Variants in TBC1D32 observed in about 807,000 individuals in gnomAD.
The protein encoded by TBC1D32 is TBC1 domain family member 32.
In TBC1D32, 151 loss-of-function variants were observed where a neutral mutation model predicts 170.3. The ratio of observed to expected loss-of-function variants is 0.89; its 90% CI spans 0.78 to 1.01. The LOEUF (loss-of-function observed/expected upper bound fraction) is 1.01, where lower values mean the gene tolerates loss of function less well. Ranked by LOEUF, TBC1D32 falls within the 50% of genes least tolerant of loss-of-function variation. The probability of loss-of-function intolerance (pLI) is 0.00; values close to 1 mark genes in which losing one functional copy is unlikely to be tolerated. For missense variants in TBC1D32, 1,464 were observed against 1,457.1 expected (o/e 1.00, Z -0.08); for synonymous variants, 498 against 488.0 (o/e 1.02, Z -0.27).
At chr6:121,280,744 A>C (rs1458376152) in intron 14 of TBC1D32, among the ~76,000 whole-genome samples, 1 of 151,836 alleles carries the variant, frequency 6.6e-6, no homozygotes, top group Non-Finnish European at 1.5e-5. Context: ...GGGGACAGAA[A>C]ACTTGGCATT....
chr6:121,221,775 T>C (rs567074096), intron 21 of TBC1D32, among the ~76,000 whole-genome samples: 33 of 152,340 alleles, frequency 2.2e-4, no homozygotes, highest in African/African-American at 7.0e-4. Context: ...TGGTTTCTTA[T>C]GGATGAGCAA....
chr6:121,136,472 A>G (rs1021120473), intron 24 of TBC1D32, among the ~76,000 whole-genome samples: 1 of 152,118 alleles, frequency 6.6e-6, no homozygotes, highest in Non-Finnish European at 1.5e-5. Flanking sequence ...AGAGAGGGAG[A>G]GTTTTATTGG....
intron 24 of TBC1D32, among the ~76,000 whole-genome samples, chr6:121,142,532 C>G (rs1782923631): frequency 6.6e-6 from 1 of 152,058 alleles, no homozygotes; most frequent in African/African-American, 2.4e-5. Context: ...ATAGGTCATC[C>G]TGAATAAACA....
At chr6:121,265,862 G>C (rs1329312487) in intron 15 of TBC1D32, among the ~76,000 whole-genome samples, 6 of 152,058 alleles carry the variant, frequency 3.9e-5, no homozygotes, top group African/African-American at 1.4e-4. Flanking sequence ...GGGAAAACTG[G>C]CTAATCATAT....
chr6:121,179,276 C>T (rs1788195691), intron 22 of TBC1D32, among the ~76,000 whole-genome samples: 1 of 148,076 alleles, frequency 6.8e-6, no homozygotes, highest in Non-Finnish European at 1.5e-5. Context: ...AAGACAAAAA[C>T]ATATATATAT....
chr6:121,144,363 T>C (rs915410593), intron 24 of TBC1D32, among the ~76,000 whole-genome samples: 8 of 152,250 alleles, frequency 5.3e-5, no homozygotes, highest in African/African-American at 1.9e-4. Flanking sequence ...GTGTTGAGAA[T>C]AGACTAAACA....
intron 20 of TBC1D32, among the ~76,000 whole-genome samples, chr6:121,230,949 T>C (rs1468684200): frequency 1.3e-5 from 2 of 151,910 alleles, no homozygotes; most frequent in Non-Finnish European, 2.9e-5. Context: ...CCCCAACCCT[T>C]TTCCCTGAGT....
chr6:121,180,247 A>G (rs926081795), intron 22 of TBC1D32, among the ~76,000 whole-genome samples: 1 of 152,136 alleles, frequency 6.6e-6, no homozygotes, highest in South Asian at 2.1e-4. Flanking sequence ...TGGAATTTAT[A>G]TGGAAAGAAA....
chr6:121,315,027 C>T (rs370010575), intron 3 of TBC1D32, among the ~76,000 whole-genome samples: 2 of 152,214 alleles, frequency 1.3e-5, no homozygotes, highest in Non-Finnish European at 2.9e-5. Flanking sequence ...GGAAACACTA[C>T]AGCACAAAGA....
At chr6:121,085,184 T>C (rs148146703) in intron 31 of TBC1D32, among the ~76,000 whole-genome samples, 3,650 of 149,642 alleles carry the variant, frequency 0.024, 163 homozygotes, top group East Asian at 0.13. Context: ...AATCTTTTTG[T>C]GTGTTGTGTC....
intron 20 of TBC1D32, among the ~76,000 whole-genome samples, chr6:121,236,052 CT>C (rs1796292551): frequency 1.3e-5 from 2 of 150,886 alleles, no homozygotes; most frequent in South Asian, 4.2e-4. Context: ...TACTTGTTTT[CT>C]TTTTTTCCAT....
At chr6:121,151,447 C>T (rs762602755) in intron 24 of TBC1D32, among the ~76,000 whole-genome samples, 84 of 152,020 alleles carry the variant, frequency 5.5e-4, no homozygotes, top group Non-Finnish European at 9.6e-4. Context: ...AGAATAAGTG[C>T]TATGTGGTGC....
At chr6:121,197,427 G>A (rs1047228053) in intron 22 of TBC1D32, among the ~76,000 whole-genome samples, 3 of 152,168 alleles carry the variant, frequency 2.0e-5, no homozygotes, top group Admixed American at 6.5e-5. Flanking sequence ...TTACGACCAC[G>A]TGACCAGCTA....
intron 17 of TBC1D32, among the ~76,000 whole-genome samples, chr6:121,243,111 T>G (rs1797193817): frequency 6.6e-6 from 1 of 151,814 alleles, no homozygotes; most frequent in Non-Finnish European, 1.5e-5. Flanking sequence ...TAATGAAAAT[T>G]TTATCCATCT....
intron 1 of TBC1D32, among the ~76,000 whole-genome samples, chr6:121,323,760 T>G (rs568705504): frequency 5.3e-5 from 8 of 152,278 alleles, no homozygotes; most frequent in Non-Finnish European, 2.9e-5. Flanking sequence ...GCCAGTATGG[T>G]GAAATCCCAT....
chr6:121,223,206 AC>A (rs1186632971), intron 21 of TBC1D32, 29 bp downstream of exon 21: 7 of 1,359,512 alleles, frequency 5.1e-6, no homozygotes, highest in Non-Finnish European at 6.0e-6. Flanking sequence ...AGCATTTATA[AC>A]AGAGAAAGAT....
In TBC1D32 at chr6:121,113,112, T is replaced by C. The variant is rs776347418; in HGVS notation, c.3119A>G (p.His1040Arg). The C allele has an allele frequency of 4.3e-6, 7 of 1,611,908 alleles. No individual in the cohort carries two copies. The highest frequency in any genetic ancestry group is 5.1e-6 in the Non-Finnish European group (6 of 1,179,044). ...AENDLTWVLK[H>R]CERFLKQQQT... is the part of the protein sequence containing the mutation. ...CTGCTGTTTCAGGAATCTCTCACAA[T>C]GCTTTAAAACCCAGGTAAGATCATT... Residue 1040 changes from histidine to arginine, a missense_variant, in exon 28 of 32, where the codon CAT (histidine) becomes CGT (arginine). Transcript: ENST00000398212.
At chr6:121,252,244 A>T (rs2128386681) in intron 17 of TBC1D32, among the ~76,000 whole-genome samples, 1 of 152,352 alleles carries the variant, frequency 6.6e-6, no homozygotes, top group Middle Eastern at 3.4e-3. Flanking sequence ...AAGGATTATG[A>T]ATCATTCTAC....
intron 15 of TBC1D32, among the ~76,000 whole-genome samples, chr6:121,266,151 A>G (rs1800446381): frequency 6.6e-6 from 1 of 152,202 alleles, no homozygotes; most frequent in South Asian, 2.1e-4. Context: ...GCAGAATGGG[A>G]GAAAATTTTT....
Sources: allele counts gnomAD v4.1 joint callset (sites outside exome capture counted in the v4.1 genomes callset), GRCh38; gene constraint gnomAD v4.1.1; transcripts MANE v1.5; gene names NCBI Gene and HGNC (gene_info 2026-07-23, HGNC 2026-07-21).